Variants in NRG3 observed in about 807,000 individuals in gnomAD.
NRG3 encodes the protein pro-neuregulin-3, membrane-bound isoform.
In NRG3, 31 loss-of-function variants were observed where a neutral mutation model predicts 66.9. The ratio of observed to expected loss-of-function variants is 0.46; its 90% CI spans 0.35 to 0.63. NRG3 has a LOEUF of 0.63. Ranked by LOEUF, NRG3 falls within the 20% of genes least tolerant of loss-of-function variation. NRG3 has a pLI of 0.00. For synonymous variants in NRG3, 393 were observed against 359.4 expected (o/e 1.09, Z -1.06); for missense variants, 910 against 878.9 (o/e 1.04, Z -0.45).
At chr10:82,062,684 G>T (rs973950791) in intron 1 of NRG3, among the ~76,000 whole-genome samples, 2 of 152,092 alleles carry the variant, frequency 1.3e-5, no homozygotes, top group African/African-American at 4.8e-5. Flanking sequence ...GAATATAGGG[G>T]CATGAGATGG....
At chr10:82,047,028 C>CT (rs2063332087) in intron 1 of NRG3, among the ~76,000 whole-genome samples, 1 of 125,410 alleles carries the variant, frequency 8.0e-6, no homozygotes, top group Admixed American at 8.2e-5. Flanking sequence ...GTCTAAAATT[C>CT]TCTTTCTTGG....
At chr10:82,525,848 A>G (rs1042533337) in intron 2 of NRG3, among the ~76,000 whole-genome samples, 3 of 151,986 alleles carry the variant, frequency 2.0e-5, no homozygotes, top group African/African-American at 7.2e-5. Context: ...ACAGAAACCT[A>G]TAAAAAGTGG....
At chr10:82,780,322 T>C (rs936539892) in intron 3 of NRG3, among the ~76,000 whole-genome samples, 1 of 152,208 alleles carries the variant, frequency 6.6e-6, no homozygotes, top group Non-Finnish European at 1.5e-5. Context: ...GTTGAACTAA[T>C]TTACACTCCC....
In NRG3 at chr10:82,754,210, T is replaced by C. The variant is rs145827023; in HGVS notation, c.1027+15560T>C. Among the ~76,000 whole-genome samples, 1,107 of 151,904 alleles carry C rather than the reference T, an allele frequency of 7.3e-3. 8 individuals carry two copies. The highest frequency in any genetic ancestry group is 0.041 in the South Asian group (199 of 4,826). Reference sequence around the variant, plus strand: ...GAATGAAAAGATACATAATGAAATATTTCACATTTATTTGGTTCTATTTCT... The same window carrying C: ...GAATGAAAAGATACATAATGAAATACTTCACATTTATTTGGTTCTATTTCT... On this transcript the variant is annotated intron_variant, in intron 3 of 8. Transcript: ENST00000372141.
intron 2 of NRG3, among the ~76,000 whole-genome samples, chr10:82,715,467 ATTGCACTTTATTCT>A (rs984341831): frequency 6.6e-6 from 1 of 152,164 alleles, no homozygotes; most frequent in Non-Finnish European, 1.5e-5. Flanking sequence ...AGTGACAGCA[ATTGCACTTTATTCT>A]AGAACGGTAC....
At chr10:82,163,474 G>A (rs1001812240) in intron 1 of NRG3, among the ~76,000 whole-genome samples, 5 of 152,230 alleles carry the variant, frequency 3.3e-5, no homozygotes, top group African/African-American at 7.2e-5. Context: ...AAATATTTAG[G>A]CAATATAGTC....
chr10:82,457,451 T>A (rs976210373), intron 2 of NRG3, among the ~76,000 whole-genome samples: 1 of 152,066 alleles, frequency 6.6e-6, no homozygotes, highest in African/African-American at 2.4e-5. Context: ...GGAGCTCAGG[T>A]GGTAATGCTC....
chr10:82,681,643 A>G (rs564787037), intron 2 of NRG3, among the ~76,000 whole-genome samples: 3 of 152,162 alleles, frequency 2.0e-5, no homozygotes, highest in Non-Finnish European at 2.9e-5. Context: ...TAAAAGTGAC[A>G]CCTTCTAAAA....
intron 2 of NRG3, among the ~76,000 whole-genome samples, chr10:82,652,717 C>T (rs1236306060): frequency 6.6e-6 from 1 of 152,136 alleles, no homozygotes; most frequent in African/African-American, 2.4e-5. Flanking sequence ...GGTTTTTCGG[C>T]TTGAGGGTGG....
chr10:82,536,922 G>A (rs1326492588), intron 2 of NRG3, among the ~76,000 whole-genome samples: 1 of 151,336 alleles, frequency 6.6e-6, no homozygotes, highest in Non-Finnish European at 1.5e-5. Context: ...GAAGAATGAG[G>A]ATTTATTAAC....
At chr10:81,913,555 C>T (rs1039418094) in intron 1 of NRG3, among the ~76,000 whole-genome samples, 4 of 152,074 alleles carry the variant, frequency 2.6e-5, no homozygotes, top group Admixed American at 2.0e-4. Flanking sequence ...TCCCAAGTAG[C>T]TGGGATTACA....
intron 2 of NRG3, among the ~76,000 whole-genome samples, chr10:82,499,560 G>A (rs541497235): frequency 5.0e-4 from 76 of 151,812 alleles, no homozygotes; most frequent in African/African-American, 1.7e-3. Context: ...TAGAAGCTTC[G>A]TTTTCTTAAA....
chr10:82,928,449 T>C (rs765265097), intron 4 of NRG3, among the ~76,000 whole-genome samples: 3 of 152,168 alleles, frequency 2.0e-5, no homozygotes, highest in South Asian at 2.1e-4. Flanking sequence ...CTAGGTTTTC[T>C]TCTAGGGTTT....
chr10:82,637,908 A>C (rs923435075), intron 2 of NRG3, among the ~76,000 whole-genome samples: 1 of 122,442 alleles, frequency 8.2e-6, no homozygotes, highest in African/African-American at 3.1e-5. Context: ...TGATATTTAT[A>C]TCACAGTCAT....
chr10:82,120,892 T>C (rs2068045638), intron 1 of NRG3, among the ~76,000 whole-genome samples: 1 of 152,110 alleles, frequency 6.6e-6, no homozygotes. Context: ...TTCCTGCACA[T>C]GCCTCCGTAC....
rs775828429 is a variant in NRG3, at chr10:82,032,113, CTT to C, written c.823+155963_823+155964del. On this transcript the variant is annotated intron_variant, in intron 1 of 8. Coordinates refer to ENST00000372141, the MANE Select transcript of NRG3 (RefSeq NM_001010848.4). The stretch of plus-strand genomic sequence containing the variant: ...ATTTTGACTTTTATCTTGTTTGATT[CTT>C]TTTTTTTTTTTTATTTCCAATCACT... 6.6e-3 allele frequency among the ~76,000 whole-genome samples: 960 copies of C among 144,808 alleles called. 4 individuals carry two copies. The highest frequency in any genetic ancestry group is 9.7e-3 in the Non-Finnish European group (640 of 65,922). 95.0% of individuals were successfully genotyped at this position (144,808 alleles called of 152,430 possible). A position where few individuals can be genotyped will look rare whatever the true frequency, so the allele number is the denominator to read the frequency against.
At chr10:82,400,311 T>C (rs1457562869) in intron 2 of NRG3, among the ~76,000 whole-genome samples, 1 of 152,094 alleles carries the variant, frequency 6.6e-6, no homozygotes, top group Non-Finnish European at 1.5e-5. Flanking sequence ...CATCCCTGGG[T>C]GTTGGCTACT....
intron 1 of NRG3, among the ~76,000 whole-genome samples, chr10:82,015,705 C>A (rs762264155): frequency 2.0e-5 from 3 of 151,780 alleles, no homozygotes; most frequent in Non-Finnish European, 4.4e-5. Context: ...TACCGCATCT[C>A]GGGCAGTTCT....
chr10:81,899,096 G>A (rs1669094487), intron 1 of NRG3, among the ~76,000 whole-genome samples: 2 of 152,156 alleles, frequency 1.3e-5, no homozygotes, highest in African/African-American at 4.8e-5. Context: ...AAAAGAGATT[G>A]ATTAATAAGG....
Sources: gnomAD v4.1 joint callset for allele counts (sites outside exome capture counted in the v4.1 genomes callset) on GRCh38, gnomAD v4.1.1 for gene constraint, MANE v1.5 for transcripts, NCBI Gene and HGNC (gene_info 2026-07-23, HGNC 2026-07-21) for gene names.